Variants in HIBADH observed in about 807,000 individuals in gnomAD.
HIBADH encodes the protein 3-hydroxyisobutyrate dehydrogenase.
Under a neutral mutation model 36.1 loss-of-function variants are expected in HIBADH, and 25 were observed. The observed-to-expected ratio is 0.69, with a 90% CI of 0.50 to 0.97. HIBADH has a LOEUF of 0.97. Among genes scored for constraint, HIBADH ranks in the 50% least tolerant of loss-of-function variants. HIBADH has a pLI of 0.00. For synonymous variants in HIBADH, 160 were observed against 149.5 expected (o/e 1.07, Z -0.51); for missense variants, 421 against 418.0 (o/e 1.01, Z -0.06).
At chr7:27,629,252 A>G in intron 4 of HIBADH, 119 bp downstream of exon 4, 1 of 977,386 alleles carries the variant, frequency 1.0e-6, no homozygotes, top group Non-Finnish European at 1.5e-6. Context: ...TTTATTTTTA[A>G]TGAGAATCCT....
intron 4 of HIBADH, among the ~76,000 whole-genome samples, chr7:27,554,177 G>C (rs1784359472): frequency 2.6e-5 from 4 of 152,050 alleles, no homozygotes; most frequent in Admixed American, 6.6e-5. Flanking sequence ...GTAGAGACAG[G>C]GTTTCACCAT....
chr7:27,577,162 C>CT (rs1442583535), intron 4 of HIBADH, among the ~76,000 whole-genome samples: 3 of 61,548 alleles, frequency 4.9e-5, no homozygotes, highest in Non-Finnish European at 8.5e-5. Context: ...AGCATCATTT[C>CT]TCTCTTTTTT....
intron 4 of HIBADH, among the ~76,000 whole-genome samples, chr7:27,589,964 G>T (rs1392487590): frequency 6.6e-6 from 1 of 152,064 alleles, no homozygotes; most frequent in Non-Finnish European, 1.5e-5. Flanking sequence ...TCTGATTTGG[G>T]TTACAACATT....
intron 4 of HIBADH, among the ~76,000 whole-genome samples, chr7:27,615,907 T>C (rs1181320127): frequency 1.3e-5 from 2 of 152,202 alleles, no homozygotes; most frequent in Non-Finnish European, 2.9e-5. Context: ...CCTGAAGACC[T>C]TTCCAGTGAG....
chr7:27,531,525 A>G (rs996933844), intron 6 of HIBADH, among the ~76,000 whole-genome samples, 177 bp from the exon 7 acceptor site: 2 of 152,224 alleles, frequency 1.3e-5, no homozygotes, highest in Non-Finnish European at 2.9e-5. Context: ...ACTAAACACT[A>G]CTGGTTAAAT....
At chr7:27,627,771 G>A (rs938667188) in intron 4 of HIBADH, among the ~76,000 whole-genome samples, 1 of 152,150 alleles carries the variant, frequency 6.6e-6, no homozygotes, top group African/African-American at 2.4e-5. Flanking sequence ...CCTGCACAAA[G>A]CTTTTAATCT....
chr7:27,538,490 C>A, intron 5 of HIBADH, 73 bp from the exon 6 acceptor site: 1 of 1,229,520 alleles, frequency 8.1e-7, no homozygotes, highest in Admixed American at 1.7e-5. Flanking sequence ...TTTCCTTGCC[C>A]AATTCCAGGG....
In HIBADH at chr7:27,534,334, A is replaced by C. The variant is rs543131692; in HGVS notation, c.696-2986T>G. ...TTGTATCACAGGAACAGATCTGGAAATGAAACATCTAAGACCATGTCAGTT... is the reference window on the plus strand; with the variant it reads ...TTGTATCACAGGAACAGATCTGGAACTGAAACATCTAAGACCATGTCAGTT... On this transcript the variant is annotated intron_variant, in intron 6 of 7. Coordinates refer to ENST00000265395, the MANE Select transcript of HIBADH (RefSeq NM_152740.4). Among the ~76,000 whole-genome samples the C allele has an allele frequency of 5.2e-4, 79 of 152,352 alleles. No individual in the cohort carries two copies. In the Middle Eastern group the frequency reaches 0.01, roughly 20 times the overall value.
intron 5 of HIBADH, among the ~76,000 whole-genome samples, chr7:27,540,964 AT>A (rs1392488546): frequency 6.6e-6 from 1 of 152,124 alleles, no homozygotes; most frequent in African/African-American, 2.4e-5. Context: ...GGCAGCTGGT[AT>A]TTATCTTTTC....
chr7:27,636,094 G>C (rs1465389491), intron 2 of HIBADH, among the ~76,000 whole-genome samples: 1 of 152,120 alleles, frequency 6.6e-6, no homozygotes, highest in Non-Finnish European at 1.5e-5. Flanking sequence ...GCATGAGGAG[G>C]GGGGTGAAGA....
At chr7:27,553,313 C>T (rs1049457181) in intron 4 of HIBADH, among the ~76,000 whole-genome samples, 3 of 152,140 alleles carry the variant, frequency 2.0e-5, no homozygotes, top group Admixed American at 6.6e-5. Context: ...GAGAAGCGGT[C>T]GATAGATCCT....
At chr7:27,637,990 C>A (rs1008733915) in intron 2 of HIBADH, among the ~76,000 whole-genome samples, 1 of 152,104 alleles carries the variant, frequency 6.6e-6, no homozygotes, top group African/African-American at 2.4e-5. Context: ...GTTAAAATGG[C>A]CATATTGCCC....
intron 7 of HIBADH, among the ~76,000 whole-genome samples, chr7:27,528,225 G>A (rs1424624220): frequency 6.6e-6 from 1 of 152,012 alleles, no homozygotes; most frequent in African/African-American, 2.4e-5. Context: ...CCTATTCCCT[G>A]AGACACAAAA....
At chr7:27,560,486 A>G (rs1784448554) in intron 4 of HIBADH, among the ~76,000 whole-genome samples, 5 of 152,126 alleles carry the variant, frequency 3.3e-5, no homozygotes, top group South Asian at 4.1e-4. Context: ...TTTTGGTTAC[A>G]TGGATGAATT....
At chr7:27,662,670 C>T in intron 1 of HIBADH, 28 bp downstream of exon 1, 1 of 1,266,670 alleles carries the variant, frequency 7.9e-7, no homozygotes, top group Middle Eastern at 2.8e-4. Flanking sequence ...GAAAGAAGGA[C>T]AAGGGGGAGG....
intron 1 of HIBADH, 119 bp from the exon 2 acceptor site, chr7:27,649,752 A>T (rs1489525056): frequency 1.1e-6 from 1 of 940,356 alleles, no homozygotes; most frequent in East Asian, 2.7e-5. Flanking sequence ...ACTTTCAGGA[A>T]CCAGGTGCAG....
intron 4 of HIBADH, among the ~76,000 whole-genome samples, chr7:27,613,193 A>T (rs1562643754): frequency 4.1e-5 from 2 of 49,354 alleles, no homozygotes; most frequent in African/African-American, 1.0e-4. Context: ...ATATAAATAT[A>T]TATATTTATA....
At chr7:27,578,259 C>A (rs1784742560) in intron 4 of HIBADH, among the ~76,000 whole-genome samples, 1 of 151,288 alleles carries the variant, frequency 6.6e-6, no homozygotes. Flanking sequence ...TATTTGTTTT[C>A]TTAGTATTGT....
intron 2 of HIBADH, among the ~76,000 whole-genome samples, chr7:27,637,578 A>C (rs1027423142): frequency 2.0e-5 from 3 of 152,194 alleles, no homozygotes; most frequent in Non-Finnish European, 4.4e-5. Flanking sequence ...TATTCAACAT[A>C]GTACTTAAGT....
Sources: gnomAD v4.1 joint callset for allele counts (sites outside exome capture counted in the v4.1 genomes callset) on GRCh38, gnomAD v4.1.1 for gene constraint, MANE v1.5 for transcripts, NCBI Gene and HGNC (gene_info 2026-07-23, HGNC 2026-07-21) for gene names.